TMEM233: variants seen among roughly 807,000 people sequenced by gnomAD.
TMEM233 encodes transmembrane protein 233, also known as dispanin subfamily B member 2.
Under a neutral mutation model 11.2 loss-of-function variants are expected in TMEM233, and 6 were observed. The observed-to-expected ratio is 0.54, with a 90% CI of 0.29 to 1.06. TMEM233 has a LOEUF of 1.06. Among genes scored for constraint, TMEM233 ranks in the 50% least tolerant of loss-of-function variants. TMEM233 has a pLI of 0.08. For synonymous variants in TMEM233, 59 were observed against 55.8 expected, an observed-to-expected ratio of 1.06 and a Z score of -0.26; for missense variants, 127 against 144.7, an observed-to-expected ratio of 0.88 and a Z score of 0.63.
intron 1 of TMEM233, among the ~76,000 whole-genome samples, chr12:119,621,731 C>T (rs1421389102): frequency 6.6e-6 from 1 of 152,130 alleles, no homozygotes; most frequent in Non-Finnish European, 1.5e-5. Context: ...TACTAAATGC[C>T]TCATAAATAC....
intron 1 of TMEM233, among the ~76,000 whole-genome samples, chr12:119,617,967 C>T (rs1289274663): frequency 6.6e-6 from 1 of 152,232 alleles, no homozygotes; most frequent in Non-Finnish European, 1.5e-5. Context: ...AAGGCAGCCC[C>T]TCCCATCACA....
intron 1 of TMEM233, among the ~76,000 whole-genome samples, chr12:119,621,089 TCAGG>T (rs1954632647): frequency 7.1e-6 from 1 of 140,508 alleles, no homozygotes; most frequent in Admixed American, 7.4e-5. Context: ...TCTCTATCAC[TCAGG>T]CTGGAGTGCA....
chr12:119,651,112 CAG>C, the TMEM233 span, among the ~76,000 whole-genome samples: 10 of 152,224 alleles, frequency 6.6e-5, no homozygotes, highest in African/African-American at 2.2e-4. Context: ...TTGTAAGCAA[CAG>C]AAAATCCAAC....
Position 119,635,731 on chromosome 12 carries a change from G to A in TMEM233, c.324-4968G>A, listed in dbSNP as rs1954960262. On this transcript the variant is annotated intron_variant, in intron 2 of 2. Coordinates refer to ENST00000426426, the MANE Select transcript of TMEM233 (RefSeq NM_001136534.3). ...AGGTTGTGACCTGCGCTTCTGACTG[G>A]CTGGCTCTTAGTTGGAGATTTTCAC... 2.0e-5 allele frequency among the ~76,000 whole-genome samples: 3 copies of A among 152,150 alleles called. No homozygotes were observed. The East Asian group carries it at 5.8e-4, about 29-fold the overall frequency.
Position 119,642,497 on chromosome 12 carries a change from T to G in TMEM233, c.*1792T>G, listed in dbSNP as rs1025605250. The G allele has an allele frequency of 1.4e-4, 22 of 152,232 alleles. No individual in the cohort carries two copies. The highest frequency in any genetic ancestry group is 2.4e-4 in the Non-Finnish European group (16 of 68,022). 9.4% of individuals were successfully genotyped at this position (152,232 alleles called of 1,614,324 possible). A position where few individuals can be genotyped will look rare whatever the true frequency, so the allele number is the denominator to read the frequency against. ...AGAAAAAGAAAAAAGAAAGGCAGAT[T>G]ATTCTAATTGAATGAATAAGAGGCT... is the stretch of plus-strand genomic sequence containing the variant. On this transcript the variant is annotated 3_prime_UTR_variant, in exon 3 of 3. Transcript: ENST00000426426.
chr12:119,618,428 A>G (rs949256044), intron 1 of TMEM233, among the ~76,000 whole-genome samples: 1 of 152,164 alleles, frequency 6.6e-6, no homozygotes, highest in African/African-American at 2.4e-5. Flanking sequence ...TGGTAGATCC[A>G]TCAACAGCCT....
chr12:119,615,359 T>C (rs545188851), intron 1 of TMEM233, among the ~76,000 whole-genome samples: 2 of 152,276 alleles, frequency 1.3e-5, no homozygotes, highest in South Asian at 4.1e-4. Flanking sequence ...AAGAAGTAGT[T>C]TTCAAATAAA....
chr12:119,626,485 AAG>A (rs1491045031), intron 1 of TMEM233, among the ~76,000 whole-genome samples: 38 of 10,452 alleles, frequency 3.6e-3, no homozygotes, highest in South Asian at 0.012. Context: ...AAAAAAAAAA[AAG>A]AAGAAAAAGG....
chr12:119,630,944 T>C (rs1954867353), intron 2 of TMEM233: 1 of 152,218 alleles, frequency 6.6e-6, no homozygotes, highest in Non-Finnish European at 1.5e-5. Context: ...CATGAAGAGA[T>C]GGATGCTGCT....
At chr12:119,598,728 G>C (rs963568275) in intron 1 of TMEM233, among the ~76,000 whole-genome samples, 2 of 152,178 alleles carry the variant, frequency 1.3e-5, no homozygotes, top group Non-Finnish European at 2.9e-5. Context: ...CAACCATTAA[G>C]GTTCAAATCC....
intron 1 of TMEM233, among the ~76,000 whole-genome samples, chr12:119,598,357 C>CAAGATTTGCAA (rs1231793198): frequency 6.6e-6 from 1 of 152,194 alleles, no homozygotes; most frequent in Non-Finnish European, 1.5e-5. Flanking sequence ...TTGATGACAT[C>CAAGATTTGCAA]ATGATGTAAT....
chr12:119,608,062 C>T (rs1954320204), intron 1 of TMEM233, among the ~76,000 whole-genome samples: 1 of 152,192 alleles, frequency 6.6e-6, no homozygotes, highest in Non-Finnish European at 1.5e-5. Flanking sequence ...TAGCACAGCT[C>T]CTGCCCCAAA....
chr12:119,626,559 G>T, intron 1 of TMEM233, among the ~76,000 whole-genome samples: 1 of 135,460 alleles, frequency 7.4e-6, no homozygotes, highest in South Asian at 2.4e-4. Context: ...GAGAAGAGAA[G>T]AGAAGAGAAG....
chr12:119,610,830 A>G (rs921978497), intron 1 of TMEM233, among the ~76,000 whole-genome samples: 4 of 152,154 alleles, frequency 2.6e-5, no homozygotes, highest in Non-Finnish European at 4.4e-5. Context: ...ACCCATTTGC[A>G]GTCACTACTC....
At chr12:119,609,686 C>A (rs934529888) in intron 1 of TMEM233, among the ~76,000 whole-genome samples, 3 of 152,222 alleles carry the variant, frequency 2.0e-5, no homozygotes, top group Non-Finnish European at 4.4e-5. Context: ...AAGCCTCAAG[C>A]CTTGGGGGCT....
At chr12:119,651,122 A>C in the TMEM233 span, among the ~76,000 whole-genome samples, 1 of 152,250 alleles carries the variant, frequency 6.6e-6, no homozygotes, top group Non-Finnish European at 1.5e-5. Context: ...CAGAAAATCC[A>C]ACTGGCTTTA....
chr12:119,607,275 T>G (rs1173328466), intron 1 of TMEM233, among the ~76,000 whole-genome samples: 2 of 152,176 alleles, frequency 1.3e-5, no homozygotes, highest in Admixed American at 6.5e-5. Context: ...ATTGAATTAT[T>G]TAACCTCTCT....
chr12:119,631,633 A>G (rs1954888726), intron 2 of TMEM233: 1 of 985,456 alleles, frequency 1.0e-6, no homozygotes, highest in Non-Finnish European at 1.2e-6. Context: ...GAGAAGGTGT[A>G]AGGTGCTTGT....
intron 1 of TMEM233, among the ~76,000 whole-genome samples, chr12:119,623,549 A>G (rs1954688125): frequency 1.8e-5 from 1 of 56,936 alleles, no homozygotes; most frequent in Non-Finnish European, 3.8e-5. Flanking sequence ...CTCTACCAAA[A>G]ATACAAAAAA....
Sources: allele counts gnomAD v4.1 joint callset (sites outside exome capture counted in the v4.1 genomes callset), GRCh38; gene constraint gnomAD v4.1.1; transcripts MANE v1.5; gene names NCBI Gene and HGNC (gene_info 2026-07-23, HGNC 2026-07-21).